Variants in TDRD3 observed in about 807,000 individuals in gnomAD.
TDRD3 encodes tudor domain-containing protein 3.
In TDRD3, 45 loss-of-function variants were observed where a neutral mutation model predicts 86.7. That is an observed-to-expected ratio of 0.52 (90% CI 0.41 to 0.67). TDRD3 has a LOEUF of 0.67. Among genes scored for constraint, TDRD3 ranks in the 30% least tolerant of loss-of-function variants. The probability of loss-of-function intolerance (pLI) is 0.00; values close to 1 mark genes in which losing one functional copy is unlikely to be tolerated. For synonymous variants in TDRD3, 298 were observed against 301.7 expected (o/e 0.99, Z 0.13); for missense variants, 814 against 889.0 (o/e 0.92, Z 1.07).
Position 60,528,939 on chromosome 13 carries a change from A to G in TDRD3, c.1714A>G (p.Thr572Ala). Residue 572 changes from threonine (T) to alanine (A), a missense_variant, in exon 11 of 14, where the codon ACT becomes GCT. Coordinates refer to ENST00000377881, the MANE Select transcript of TDRD3 (RefSeq NM_001146070.2). ...AATTGAAAAACATTTTAATGTAAAT[A>G]CTGATTATCAGAATCCAGTTCGAAG... ...IKIEKHFNVN[T>A]DYQNPVRSNS... is the part of the protein sequence containing the mutation. 1 of 1,613,812 alleles carries G rather than the reference A, an allele frequency of 6.2e-7. No individual in the cohort carries two copies. Among genetic ancestry groups the G allele is most frequent in the Non-Finnish European group, 8.5e-7 (1 of 1,179,892 alleles).
chr13:60,472,105 C>T (rs1198853240), intron 5 of TDRD3, among the ~76,000 whole-genome samples: 1 of 152,052 alleles, frequency 6.6e-6, no homozygotes, highest in Non-Finnish European at 1.5e-5. Flanking sequence ...TGAGATGCTT[C>T]CTCTGCGTCA....
intron 12 of TDRD3, among the ~76,000 whole-genome samples, chr13:60,555,115 A>C (rs1958155514): frequency 6.6e-6 from 1 of 152,176 alleles, no homozygotes; most frequent in Non-Finnish European, 1.5e-5. Flanking sequence ...AAAATGACTG[A>C]GAAGGTTTTC....
chr13:60,437,831 C>G (rs1195542386), intron 1 of TDRD3, among the ~76,000 whole-genome samples: 1 of 152,014 alleles, frequency 6.6e-6, no homozygotes, highest in Non-Finnish European at 1.5e-5. Flanking sequence ...CTGTTGCTTT[C>G]TAAAATTGGT....
chr13:60,405,056 C>T (rs1361380023), intron 1 of TDRD3, among the ~76,000 whole-genome samples: 1 of 152,204 alleles, frequency 6.6e-6, no homozygotes, highest in African/African-American at 2.4e-5. Context: ...GAGGCCTCCC[C>T]AGCCATGTGG....
chr13:60,409,764 A>C (rs1372853887), intron 1 of TDRD3, among the ~76,000 whole-genome samples: 2 of 152,120 alleles, frequency 1.3e-5, no homozygotes, highest in South Asian at 4.1e-4. Flanking sequence ...GTCTCAGATG[A>C]GACTTTGGAC....
chr13:60,565,041 CTTT>C (rs869194148), intron 12 of TDRD3, among the ~76,000 whole-genome samples: 29 of 70,870 alleles, frequency 4.1e-4, no homozygotes, highest in East Asian at 2.1e-3. Flanking sequence ...CTATCAGTAT[CTTT>C]TTTTTTTTTT....
At chr13:60,491,114 CAA>C (rs35355225) in intron 7 of TDRD3, among the ~76,000 whole-genome samples, 11 of 75,672 alleles carry the variant, frequency 1.5e-4, no homozygotes, top group East Asian at 3.7e-4. Context: ...AACTCCATCT[CAA>C]AAAAAAAAAA....
intron 12 of TDRD3, among the ~76,000 whole-genome samples, chr13:60,552,431 T>C (rs888758825): frequency 2.0e-5 from 3 of 152,232 alleles, no homozygotes; most frequent in African/African-American, 7.2e-5. Context: ...CTTGAGCAGC[T>C]CTGCCCCTGT....
At chr13:60,454,050 C>A (rs1355474772) in intron 3 of TDRD3, among the ~76,000 whole-genome samples, 2 of 152,018 alleles carry the variant, frequency 1.3e-5, no homozygotes, top group African/African-American at 4.8e-5. Flanking sequence ...AGGTTTTATA[C>A]ATGGTACTTT....
chr13:60,416,150 G>A (rs1190301603), intron 1 of TDRD3, among the ~76,000 whole-genome samples: 1 of 152,094 alleles, frequency 6.6e-6, no homozygotes, highest in Non-Finnish European at 1.5e-5. Context: ...TCAAATCATG[G>A]CAAAAATGAT....
chr13:60,418,868 C>A (rs1488753944), intron 1 of TDRD3, among the ~76,000 whole-genome samples: 2 of 152,110 alleles, frequency 1.3e-5, no homozygotes, highest in Non-Finnish European at 2.9e-5. Context: ...TTTTGAGATT[C>A]ATTCATATTC....
rs1312364563 is a variant in TDRD3, at chr13:60,535,253, T to A, written c.2118+20T>A. 6.3e-7 allele frequency: 1 copy of A among 1,595,494 alleles called. No homozygotes were observed. Among genetic ancestry groups the A allele is most frequent in the Non-Finnish European group, 8.5e-7 (1 of 1,173,016 alleles). On this transcript the variant is annotated intron_variant, in intron 12 of 13. Coordinates refer to ENST00000377881, the MANE Select transcript of TDRD3 (RefSeq NM_001146070.2). ...GCATGGGTACGTGATACATATTCTGTACAAAGGCATAAACTATTTTGAAGA... is the reference window on the plus strand; with the variant it reads ...GCATGGGTACGTGATACATATTCTGAACAAAGGCATAAACTATTTTGAAGA...
At chr13:60,556,359 T>C (rs1410539806) in intron 12 of TDRD3, among the ~76,000 whole-genome samples, 1 of 152,174 alleles carries the variant, frequency 6.6e-6, no homozygotes, top group Non-Finnish European at 1.5e-5. Context: ...AAATAACTTT[T>C]CAGAAATACC....
chr13:60,425,411 G>A (rs1029507171), intron 1 of TDRD3, among the ~76,000 whole-genome samples: 21 of 152,102 alleles, frequency 1.4e-4, no homozygotes, highest in African/African-American at 4.6e-4. Flanking sequence ...CCGTTGATGG[G>A]AATGTAGATG....
chr13:60,468,201 A>T (rs1955991544), intron 5 of TDRD3, among the ~76,000 whole-genome samples: 1 of 152,146 alleles, frequency 6.6e-6, no homozygotes, highest in South Asian at 2.1e-4. Context: ...CAACTTTCTA[A>T]ATTCTTCCAC....
At chr13:60,461,375 A>G (rs1202906367) in intron 4 of TDRD3, among the ~76,000 whole-genome samples, 2 of 152,172 alleles carry the variant, frequency 1.3e-5, no homozygotes, top group East Asian at 3.9e-4. Context: ...TTTTAGAGCC[A>G]TGCCCAATGG....
At chr13:60,569,072 C>T (rs540325854) in intron 13 of TDRD3, among the ~76,000 whole-genome samples, 13 of 152,232 alleles carry the variant, frequency 8.5e-5, no homozygotes, top group East Asian at 7.7e-4. Flanking sequence ...GGGCTCAAGA[C>T]GTCCTGCCAT....
intron 1 of TDRD3, among the ~76,000 whole-genome samples, chr13:60,409,692 C>G (rs1395373567): frequency 6.6e-6 from 1 of 152,166 alleles, no homozygotes; most frequent in East Asian, 1.9e-4. Flanking sequence ...CCCTCATTGT[C>G]TCTAGGAAGT....
At chr13:60,534,329 T>A (rs1029747304) in intron 11 of TDRD3, among the ~76,000 whole-genome samples, 1 of 151,908 alleles carries the variant, frequency 6.6e-6, no homozygotes, top group African/African-American at 2.4e-5. Flanking sequence ...TAAATATAAA[T>A]AAATAAGTAG....
Sources: gnomAD v4.1 joint callset for allele counts (sites outside exome capture counted in the v4.1 genomes callset) on GRCh38, gnomAD v4.1.1 for gene constraint, MANE v1.5 for transcripts, NCBI Gene and HGNC (gene_info 2026-07-23, HGNC 2026-07-21) for gene names.